BMPR1B: variants seen among roughly 807,000 people sequenced by gnomAD.
BMPR1B encodes the protein bone morphogenetic protein receptor type-1B.
BMPR1B carries 12 observed loss-of-function variants against 59.1 expected under a neutral mutation model. The observed-to-expected ratio is 0.20, with a 90% confidence interval of 0.13 to 0.33. The LOEUF is 0.33. Among genes scored for constraint, BMPR1B ranks in the 10% least tolerant of loss-of-function variants. The probability of loss-of-function intolerance (pLI) is 1.00; values close to 1 mark genes in which losing one functional copy is unlikely to be tolerated. For synonymous variants in BMPR1B, 237 were observed against 207.3 expected, an observed-to-expected ratio of 1.14 and a Z score of -1.23; for missense variants, 550 against 610.9, an observed-to-expected ratio of 0.90 and a Z score of 1.05.
intron 3 of BMPR1B, among the ~76,000 whole-genome samples, chr4:95,077,483 G>A (rs547877056): frequency 3.3e-5 from 5 of 152,156 alleles, no homozygotes; most frequent in African/African-American, 1.2e-4. Flanking sequence ...ATTATTTCAT[G>A]AATTATTATT....
intron 2 of BMPR1B, among the ~76,000 whole-genome samples, chr4:94,934,453 G>GTTTTTTTTTTTTTTTTTTT (rs371268875): frequency 1.7e-5 from 2 of 115,288 alleles, no homozygotes; most frequent in Non-Finnish European, 1.7e-5. Flanking sequence ...CCCAGCTATG[G>GTTTTTTTTTTTTTTTTTTT]TTTTTTTTTT....
At chr4:95,051,371 G>A (rs1442370498) in intron 3 of BMPR1B, among the ~76,000 whole-genome samples, 2 of 152,144 alleles carry the variant, frequency 1.3e-5, no homozygotes, top group Admixed American at 6.5e-5. Context: ...AGATTTGGGG[G>A]ACATGGGTAT....
intron 3 of BMPR1B, among the ~76,000 whole-genome samples, chr4:95,044,299 G>T (rs1725878152): frequency 6.6e-6 from 1 of 152,188 alleles, no homozygotes; most frequent in South Asian, 2.1e-4. Flanking sequence ...TATTAAGTCT[G>T]TCTTGGACTC....
chr4:95,046,337 A>G (rs1266929644), intron 3 of BMPR1B, among the ~76,000 whole-genome samples: 1 of 152,178 alleles, frequency 6.6e-6, no homozygotes, highest in African/African-American at 2.4e-5. Context: ...AAAGAACATT[A>G]TTTTTATTGG....
chr4:95,123,437 A>T (rs1732671641), intron 6 of BMPR1B, among the ~76,000 whole-genome samples: 2 of 152,164 alleles, frequency 1.3e-5, no homozygotes, highest in African/African-American at 4.8e-5. Context: ...TCCAGAGACC[A>T]CATGAGAAGA....
At chr4:94,910,055 A>C (rs1728215108) in intron 2 of BMPR1B, among the ~76,000 whole-genome samples, 1 of 148,580 alleles carries the variant, frequency 6.7e-6, no homozygotes, top group African/African-American at 2.6e-5. Context: ...CAAAAAAAAC[A>C]AAAAAAAAGA....
chr4:95,141,363 C>G (rs191478286), intron 10 of BMPR1B, among the ~76,000 whole-genome samples: 1 of 152,268 alleles, frequency 6.6e-6, no homozygotes, highest in Admixed American at 6.5e-5. Flanking sequence ...TCTCTGACTT[C>G]ATATGAGAAC....
chr4:95,117,056 A>G (rs1331513141), intron 6 of BMPR1B, among the ~76,000 whole-genome samples: 1 of 152,218 alleles, frequency 6.6e-6, no homozygotes, highest in Non-Finnish European at 1.5e-5. Context: ...AGGACATAAT[A>G]GAGTGAGTGG....
At chr4:94,834,423 C>A (rs1724720266) in intron 1 of BMPR1B, among the ~76,000 whole-genome samples, 2 of 152,184 alleles carry the variant, frequency 1.3e-5, no homozygotes, top group African/African-American at 4.8e-5. Flanking sequence ...CTTACTTTTT[C>A]CCTCCTCCTC....
intron 1 of BMPR1B, among the ~76,000 whole-genome samples, chr4:94,820,947 A>G (rs1353574647): frequency 6.6e-6 from 1 of 152,222 alleles, no homozygotes; most frequent in Non-Finnish European, 1.5e-5. Context: ...TAGAGTGCAT[A>G]GTGTGCTTTA....
At chr4:95,147,753 T>A (rs930114440) in intron 10 of BMPR1B, among the ~76,000 whole-genome samples, 1 of 152,240 alleles carries the variant, frequency 6.6e-6, no homozygotes, top group Non-Finnish European at 1.5e-5. Context: ...TACTTTCTGA[T>A]GAGTTACAGT....
chr4:94,960,665 C>G (rs926009887), intron 2 of BMPR1B, among the ~76,000 whole-genome samples: 1 of 151,868 alleles, frequency 6.6e-6, no homozygotes, highest in African/African-American at 2.4e-5. Flanking sequence ...TATTGAGTAG[C>G]TTTCAGCCAA....
intron 1 of BMPR1B, among the ~76,000 whole-genome samples, chr4:94,852,293 G>A (rs1259652011): frequency 1.3e-5 from 2 of 152,154 alleles, no homozygotes; most frequent in South Asian, 4.2e-4. Context: ...GCGGTTTTAA[G>A]TGAATATTTG....
chr4:95,050,283 C>T (rs1209246088), intron 3 of BMPR1B, among the ~76,000 whole-genome samples: 1 of 152,190 alleles, frequency 6.6e-6, no homozygotes, highest in East Asian at 1.9e-4. Context: ...TTACCACCAA[C>T]CTCCATGTTT....
intron 3 of BMPR1B, among the ~76,000 whole-genome samples, chr4:95,004,820 C>T (rs1040782349): frequency 6.6e-6 from 1 of 152,066 alleles, no homozygotes; most frequent in African/African-American, 2.4e-5. Context: ...GCATGGTGAC[C>T]TAGGACACAA....
At chr4:94,912,644 A>G (rs929586622) in intron 2 of BMPR1B, among the ~76,000 whole-genome samples, 6 of 152,272 alleles carry the variant, frequency 3.9e-5, no homozygotes, top group East Asian at 1.9e-4. Context: ...GTTCAGCTCT[A>G]TAGAAGGTGA....
intron 1 of BMPR1B, among the ~76,000 whole-genome samples, chr4:94,775,567 G>T (rs1722334363): frequency 6.6e-6 from 1 of 152,054 alleles, no homozygotes; most frequent in African/African-American, 2.4e-5. Flanking sequence ...TGTTTTTATT[G>T]ATTTGAATGA....
At chr4:94,849,457 AG>A (rs1725482023) in intron 1 of BMPR1B, among the ~76,000 whole-genome samples, 1 of 152,152 alleles carries the variant, frequency 6.6e-6, no homozygotes, top group African/African-American at 2.4e-5. Flanking sequence ...TTGAGGAAAA[AG>A]GGAGCTGAGA....
intron 2 of BMPR1B, among the ~76,000 whole-genome samples, chr4:94,953,463 C>T (rs561378075): frequency 2.6e-5 from 4 of 152,162 alleles, no homozygotes; most frequent in Non-Finnish European, 5.9e-5. Flanking sequence ...CTGGTAGTGA[C>T]AAAATCCTTC....
Sources: gnomAD v4.1 joint callset for allele counts (sites outside exome capture counted in the v4.1 genomes callset) on GRCh38, gnomAD v4.1.1 for gene constraint, MANE v1.5 for transcripts, NCBI Gene and HGNC (gene_info 2026-07-23, HGNC 2026-07-21) for gene names.